Variants in MALRD1 observed in about 807,000 individuals in gnomAD.
MALRD1 encodes MAM and LDL-receptor class A domain-containing protein 1.
Under a neutral mutation model 242.1 loss-of-function variants are expected in MALRD1, and 247 were observed. The observed-to-expected ratio is 1.02, with a 90% CI of 0.92 to 1.13. The LOEUF (loss-of-function observed/expected upper bound fraction) is 1.13, where lower values mean the gene tolerates loss of function less well. Ranked by LOEUF, MALRD1 falls within the 50% of genes most tolerant of loss-of-function variation. The probability of loss-of-function intolerance (pLI) is 0.00; values close to 1 mark genes in which losing one functional copy is unlikely to be tolerated. For synonymous variants in MALRD1, 995 were observed against 866.6 expected, an observed-to-expected ratio of 1.15 and a Z score of -2.60; for missense variants, 2,989 against 2,533.1, an observed-to-expected ratio of 1.18 and a Z score of -3.86.
intron 28 of MALRD1, among the ~76,000 whole-genome samples, chr10:19,391,427 A>G (rs538972483): frequency 6.6e-6 from 1 of 152,220 alleles, no homozygotes; most frequent in African/African-American, 2.4e-5. Flanking sequence ...ATGTGGAATC[A>G]TGCTAGATTT....
intron 18 of MALRD1, among the ~76,000 whole-genome samples, chr10:19,228,879 AT>A (rs752582857): frequency 2.7e-4 from 41 of 152,084 alleles, no homozygotes; most frequent in Non-Finnish European, 4.9e-4. Context: ...GTTTTGCAAC[AT>A]TTTTGGTAAG....
chr10:19,593,167 T>G (rs552018813), intron 33 of MALRD1, among the ~76,000 whole-genome samples: 19 of 152,348 alleles, frequency 1.2e-4, no homozygotes, highest in African/African-American at 4.3e-4. Context: ...AATTTATAAT[T>G]TGTACATTGG....
intron 24 of MALRD1, among the ~76,000 whole-genome samples, chr10:19,340,680 T>C (rs1345760509): frequency 1.3e-5 from 2 of 152,178 alleles, no homozygotes; most frequent in African/African-American, 4.8e-5. Context: ...CAAACTCTTA[T>C]ACTCAATCAC....
chr10:19,074,570 G>A (rs1011445958), intron 2 of MALRD1, among the ~76,000 whole-genome samples: 2 of 151,844 alleles, frequency 1.3e-5, no homozygotes, highest in African/African-American at 2.4e-5. Context: ...TTATATGTCA[G>A]TGATGGAATC....
intron 16 of MALRD1, 27 bp downstream of exon 16, chr10:19,204,440 A>T: frequency 1.4e-6 from 2 of 1,451,224 alleles, no homozygotes; most frequent in Non-Finnish European, 1.9e-6. Context: ...TATTTAAACA[A>T]TATTAAACAG....
intron 14 of MALRD1, among the ~76,000 whole-genome samples, chr10:19,176,837 CCTGTGTGT>C (rs1377144523): frequency 1.4e-5 from 2 of 147,092 alleles, no homozygotes; most frequent in East Asian, 2.0e-4. Context: ...TGTGTGCATG[CCTGTGTGT>C]CTGTGTGTGT....
chr10:19,643,955 G>T (rs1840528779), intron 36 of MALRD1, among the ~76,000 whole-genome samples: 1 of 152,184 alleles, frequency 6.6e-6, no homozygotes, highest in Non-Finnish European at 1.5e-5. Context: ...CACCACTGTA[G>T]ACTGTCCTTT....
chr10:19,243,058 T>TTG (rs1334602369), intron 18 of MALRD1, among the ~76,000 whole-genome samples: 27 of 141,164 alleles, frequency 1.9e-4, no homozygotes, highest in Admixed American at 1.5e-3. Flanking sequence ...CTTTGTTTCT[T>TTG]TTCCCTTTTT....
chr10:19,709,317 T>A (rs146932619), intron 38 of MALRD1, among the ~76,000 whole-genome samples: 2,568 of 150,398 alleles, frequency 0.017, 84 homozygotes, highest in African/African-American at 0.06. Flanking sequence ...CTTGGGGGCC[T>A]GAGGCAGGGG....
rs1479026380 is a variant in MALRD1 at position 19,508,065 on chromosome 10, G to A, written c.5320+9419G>A. Among the ~76,000 whole-genome samples the A allele has an allele frequency of 1.9e-4, 27 of 143,322 alleles. No homozygotes were observed. The Admixed American group carries it at 2.0e-3, about 10-fold the overall frequency. 94.0% of individuals were successfully genotyped at this position (143,322 alleles called of 152,430 possible). A position where few individuals can be genotyped will look rare whatever the true frequency, so the allele number is the denominator to read the frequency against. On this transcript the variant is annotated intron_variant, in intron 31 of 39. Transcript: ENST00000454679. Reference sequence around the variant, plus strand: ...TATTAATCACAAATTTGTATAGTGTGTTGTTGTTGATAAGTGCTATAGGAA... The same window carrying A: ...TATTAATCACAAATTTGTATAGTGTATTGTTGTTGATAAGTGCTATAGGAA...
intron 1 of MALRD1, among the ~76,000 whole-genome samples, chr10:19,062,974 CATCTCTACAAAA>C (rs977522385): frequency 1.8e-4 from 28 of 151,974 alleles, no homozygotes; most frequent in Admixed American, 1.8e-3. Context: ...GGCAAAACAC[CATCTCTACAAAA>C]TGCAAAAAAT....
chr10:19,563,471 C>A (rs1457082987), intron 32 of MALRD1, among the ~76,000 whole-genome samples: 1 of 152,170 alleles, frequency 6.6e-6, no homozygotes, highest in African/African-American at 2.4e-5. Flanking sequence ...AAAGAGCAGA[C>A]CCCTTTTAGA....
At position 19,498,772 on chromosome 10, in the gene MALRD1, G is replaced by A. The variant is rs1837837362; in HGVS notation, c.5320+126G>A. ...GGGACAGAGCTCAGTAGGTTTTATG[G>A]AAAGAGGGCTAGTCTCTTCTATTGC... On this transcript the variant is annotated intron_variant, in intron 31 of 39. Transcript: ENST00000454679. The A allele has an allele frequency of 3.3e-5, 37 of 1,134,048 alleles. No homozygotes were observed. The South Asian group carries it at 5.9e-4, about 18-fold the overall frequency. The allele number at this position is 1,134,048 out of a possible 1,614,324, so 70.2% of individuals were successfully genotyped here. A position where few individuals can be genotyped will look rare whatever the true frequency, so the allele number is the denominator to read the frequency against.
chr10:19,357,347 A>C (rs190830266), intron 26 of MALRD1, among the ~76,000 whole-genome samples: 2 of 152,010 alleles, frequency 1.3e-5, no homozygotes, highest in Admixed American at 6.5e-5. Context: ...AATTTACTTA[A>C]TGTCTGGCAT....
intron 28 of MALRD1, among the ~76,000 whole-genome samples, chr10:19,416,065 A>T (rs911416469): frequency 2.2e-4 from 33 of 152,320 alleles, no homozygotes; most frequent in African/African-American, 7.7e-4. Flanking sequence ...CTTGTTAACT[A>T]ATTTGCCTAA....
chr10:19,713,851 C>A (rs545799791), intron 38 of MALRD1, among the ~76,000 whole-genome samples: 64 of 152,298 alleles, frequency 4.2e-4, no homozygotes, highest in Non-Finnish European at 8.5e-4. Context: ...GATTCAAAAG[C>A]AAATCCAAGA....
chr10:19,722,631 T>C (rs1218124202), intron 38 of MALRD1: 2 of 97,700 alleles, frequency 2.0e-5, no homozygotes, highest in Non-Finnish European at 4.4e-5. Flanking sequence ...GTGGAAAAAA[T>C]TTAAAATACT....
chr10:19,464,308 T>TC (rs1836112142), intron 29 of MALRD1, among the ~76,000 whole-genome samples: 1 of 152,156 alleles, frequency 6.6e-6, no homozygotes, highest in Non-Finnish European at 1.5e-5. Context: ...GAAGGGTTTT[T>TC]CCGATGTTAC....
chr10:19,629,594 G>A (rs1235557718), intron 36 of MALRD1, among the ~76,000 whole-genome samples: 1 of 152,100 alleles, frequency 6.6e-6, no homozygotes, highest in Non-Finnish European at 1.5e-5. Context: ...AGCTTCATGG[G>A]GTAGCCGTTG....
Sources: gnomAD v4.1 joint callset for allele counts (sites outside exome capture counted in the v4.1 genomes callset) on GRCh38, gnomAD v4.1.1 for gene constraint, MANE v1.5 for transcripts, NCBI Gene and HGNC (gene_info 2026-07-23, HGNC 2026-07-21) for gene names.